Variants in KCNIP3 observed in about 807,000 individuals in gnomAD.
The protein encoded by KCNIP3 is calsenilin.
In KCNIP3, 28 loss-of-function variants were observed where a neutral mutation model predicts 35.0. The observed-to-expected ratio is 0.80, with a 90% CI of 0.59 to 1.10. KCNIP3 has a LOEUF of 1.10. KCNIP3 is among the 50% of genes least tolerant of loss of function. The probability of loss-of-function intolerance (pLI) is 0.00; values close to 1 mark genes in which losing one functional copy is unlikely to be tolerated. For missense variants in KCNIP3, 295 were observed against 338.4 expected (o/e 0.87, Z 1.01); for synonymous variants, 134 against 133.8 (o/e 1.00, Z -0.01).
rs1196109255 is a variant in KCNIP3, at chr2:95,374,821, G to A, written c.307-27G>A. The stretch of plus-strand genomic sequence containing the variant: ...GGGCTTGGAGCTGGGGGTGGCCGAG[G>A]GCTGAGGGGGTGCCTTCCTGCTGCA... On this transcript the variant is annotated intron_variant, in intron 3 of 8. Transcript: ENST00000295225. 25 of 1,611,550 alleles carry A rather than the reference G, an allele frequency of 1.6e-5. 1 individual carries two copies. Among genetic ancestry groups the A allele is most frequent in the South Asian group, 2.2e-5 (2 of 91,072 alleles).
intron 2 of KCNIP3, among the ~76,000 whole-genome samples, chr2:95,357,923 C>T (rs980835083): frequency 3.9e-5 from 6 of 152,146 alleles, no homozygotes; most frequent in South Asian, 2.1e-4. Flanking sequence ...AGGCACAGGC[C>T]GTGCGCAGTG....
chr2:95,308,684 G>A (rs1290343576), intron 1 of KCNIP3, among the ~76,000 whole-genome samples: 1 of 152,158 alleles, frequency 6.6e-6, no homozygotes, highest in Non-Finnish European at 1.5e-5. Flanking sequence ...GCTGGTGTCC[G>A]GCGCTGCTCT....
intron 1 of KCNIP3, among the ~76,000 whole-genome samples, chr2:95,306,806 G>A (rs1240751595): frequency 6.6e-6 from 1 of 152,176 alleles, no homozygotes; most frequent in Non-Finnish European, 1.5e-5. Context: ...AGGGGCCAGG[G>A]GGCCGCCTCT....
intron 1 of KCNIP3, among the ~76,000 whole-genome samples, chr2:95,305,365 G>A (rs1471724861): frequency 6.6e-6 from 1 of 152,106 alleles, no homozygotes; most frequent in Admixed American, 6.5e-5. Flanking sequence ...ACATGCAGTT[G>A]CAGGAGCTCA....
chr2:95,362,854 A>G (rs1679834275), intron 2 of KCNIP3, among the ~76,000 whole-genome samples: 1 of 152,190 alleles, frequency 6.6e-6, no homozygotes, highest in Admixed American at 6.5e-5. Flanking sequence ...ATTACCATTG[A>G]TCTACATATT....
intron 2 of KCNIP3, among the ~76,000 whole-genome samples, chr2:95,336,616 T>C (rs1285885131): frequency 1.3e-5 from 2 of 152,228 alleles, no homozygotes; most frequent in Admixed American, 6.5e-5. Context: ...CTGGAAATTG[T>C]GAGTGATATG....
At chr2:95,341,053 T>C (rs965800028) in intron 2 of KCNIP3, among the ~76,000 whole-genome samples, 8 of 152,036 alleles carry the variant, frequency 5.3e-5, no homozygotes, top group African/African-American at 1.9e-4. Context: ...GGTGGTATGG[T>C]TTGGGTCTGT....
intron 2 of KCNIP3, among the ~76,000 whole-genome samples, chr2:95,371,384 C>T (rs1680039070): frequency 6.6e-6 from 1 of 152,130 alleles, no homozygotes; most frequent in Admixed American, 6.5e-5. Flanking sequence ...TTTCCAAATA[C>T]TTGAGATTTT....
At chr2:95,337,330 G>C (rs1003552535) in intron 2 of KCNIP3, among the ~76,000 whole-genome samples, 1 of 151,338 alleles carries the variant, frequency 6.6e-6, no homozygotes, top group African/African-American at 2.4e-5. Flanking sequence ...CTCTGTCCAG[G>C]TCCTAGAGTT....
chr2:95,345,998 C>T (rs756089824), intron 2 of KCNIP3, among the ~76,000 whole-genome samples: 2 of 152,236 alleles, frequency 1.3e-5, no homozygotes, highest in Non-Finnish European at 2.9e-5. Context: ...CGTGACTCGA[C>T]CAAGGTCACG....
intron 2 of KCNIP3, among the ~76,000 whole-genome samples, chr2:95,331,218 A>C (rs180787591): frequency 6.6e-6 from 1 of 152,030 alleles, no homozygotes; most frequent in African/African-American, 2.4e-5. Context: ...ATTTGGAGGC[A>C]CTCTGAAGAT....
In KCNIP3 at chr2:95,347,723, G is replaced by C. The variant is rs561240500; in HGVS notation, c.182-26573G>C. The stretch of plus-strand genomic sequence containing the variant: ...CCTGGGGCCCTTCCATGGTACACCT[G>C]GTTCTGAAGGGGACCCTGAAGCCAG... On this transcript the variant is annotated intron_variant, in intron 2 of 8. Transcript: ENST00000295225. 1.6e-3 allele frequency among the ~76,000 whole-genome samples: 250 copies of C among 152,360 alleles called. 1 individual carries two copies. The highest frequency in any genetic ancestry group is 5.8e-3 in the African/African-American group (243 of 41,588).
At chr2:95,353,569 GATAATA>G (rs1679580509) in intron 2 of KCNIP3, among the ~76,000 whole-genome samples, 1 of 152,192 alleles carries the variant, frequency 6.6e-6, no homozygotes, top group Non-Finnish European at 1.5e-5. Context: ...GTAGAATGGG[GATAATA>G]ATACCTCCCA....
chr2:95,353,400 C>G (rs1473009445), intron 2 of KCNIP3, among the ~76,000 whole-genome samples: 1 of 152,200 alleles, frequency 6.6e-6, no homozygotes, highest in African/African-American at 2.4e-5. Flanking sequence ...GAGGCCAGAG[C>G]GCGAGGCAGC....
chr2:95,372,468 A>G (rs1428983568), intron 2 of KCNIP3, among the ~76,000 whole-genome samples: 1 of 152,150 alleles, frequency 6.6e-6, no homozygotes, highest in Non-Finnish European at 1.5e-5. Flanking sequence ...TAATATGACT[A>G]AGGATTCGAG....
intron 2 of KCNIP3, among the ~76,000 whole-genome samples, chr2:95,342,470 G>A (rs1176414950): frequency 1.3e-5 from 2 of 152,244 alleles, no homozygotes; most frequent in Non-Finnish European, 2.9e-5. Context: ...GAATGCATTA[G>A]TTAGGACCCT....
At chr2:95,304,131 C>G (rs1559483) in intron 1 of KCNIP3, among the ~76,000 whole-genome samples, 116,137 of 152,172 alleles carry the variant, frequency 0.76, 44,728 homozygotes, top group African/African-American at 0.85. Flanking sequence ...CTGAGTCGAG[C>G]AAGCCCCCAG....
At chr2:95,306,319 C>T (rs1678165478) in intron 1 of KCNIP3, among the ~76,000 whole-genome samples, 1 of 152,218 alleles carries the variant, frequency 6.6e-6, no homozygotes, top group Non-Finnish European at 1.5e-5. Flanking sequence ...ATGTCTTTCA[C>T]ATTTTCTAAC....
At chr2:95,317,739 G>A (rs543663305) in intron 2 of KCNIP3, among the ~76,000 whole-genome samples, 14 of 152,302 alleles carry the variant, frequency 9.2e-5, no homozygotes, top group East Asian at 3.9e-4. Context: ...GCTGAGGAGA[G>A]GCTGGCAGAG....
Sources: gnomAD v4.1 joint callset for allele counts (sites outside exome capture counted in the v4.1 genomes callset) on GRCh38, gnomAD v4.1.1 for gene constraint, MANE v1.5 for transcripts, NCBI Gene and HGNC (gene_info 2026-07-23, HGNC 2026-07-21) for gene names.